GPR176: variants seen among roughly 807,000 people sequenced by gnomAD.
GPR176 encodes G protein-coupled receptor 176.
Under a neutral mutation model 35.4 loss-of-function variants are expected in GPR176, and 26 were observed. The observed-to-expected ratio is 0.74, with a 90% CI of 0.54 to 1.02. The LOEUF is 1.02. Ranked by LOEUF, GPR176 falls within the 50% of genes least tolerant of loss-of-function variation. The pLI is 0.00. For missense variants in GPR176, 597 were observed against 665.3 expected (o/e 0.90, Z 1.13); for synonymous variants, 278 against 271.3 (o/e 1.02, Z -0.24).
chr15:39,799,264 C>A lies in GPR176; in HGVS notation c.*1868G>T, dbSNP rs527402525. On this transcript the variant is annotated 3_prime_UTR_variant, in exon 3 of 3. Transcript: ENST00000561100. Reference sequence around the variant, plus strand: ...AATTTTCCTAGAGATTATTATTCCCCTTGATAAAAGTTGTAATGATTGTGA... The same window carrying A: ...AATTTTCCTAGAGATTATTATTCCCATTGATAAAAGTTGTAATGATTGTGA... 6.6e-6 allele frequency: 1 copy of A among 152,298 alleles called. No individual in the cohort carries two copies. Among genetic ancestry groups the A allele is most frequent in the African/African-American group, 2.4e-5 (1 of 41,560 alleles). 9.4% of individuals were successfully genotyped at this position (152,298 alleles called of 1,614,324 possible). A position where few individuals can be genotyped will look rare whatever the true frequency, so the allele number is the denominator to read the frequency against.
rs921975282 is a variant in GPR176, at chr15:39,904,057, C to T, written c.172+15798G>A. Among the ~76,000 whole-genome samples, 15 of 152,136 alleles carry T rather than the reference C, an allele frequency of 9.9e-5. 1 individual carries two copies. The highest frequency in any genetic ancestry group is 5.2e-4 in the Admixed American group (8 of 15,278). On this transcript the variant is annotated intron_variant, in intron 1 of 2. Coordinates refer to ENST00000561100, the MANE Select transcript of GPR176 (RefSeq NM_007223.3). Reference sequence around the variant, plus strand: ...CACATATGGTAACTTCCTGATGTTGCCATGGCATTTGTAAACTGTCATGGC... The same window carrying T: ...CACATATGGTAACTTCCTGATGTTGTCATGGCATTTGTAAACTGTCATGGC...
intron 1 of GPR176, among the ~76,000 whole-genome samples, chr15:39,888,034 T>G (rs1490387919): frequency 6.6e-6 from 1 of 152,202 alleles, no homozygotes; most frequent in Middle Eastern, 3.2e-3. Context: ...GAGTTTCCCA[T>G]GTATTTTATT....
rs141908278 is a variant in GPR176, at chr15:39,840,328, T to C, written c.173-33070A>G. Among the ~76,000 whole-genome samples the C allele has an allele frequency of 5.9e-3, 903 of 152,312 alleles. 17 individuals carry two copies. The highest frequency in any genetic ancestry group is 0.021 in the African/African-American group (864 of 41,562). ...TAAAAAAGGATGAGTTCATGTCCTT[T>C]GTAGGGACATGGATGAAGCTGGAAA... On this transcript the variant is annotated intron_variant, in intron 1 of 2. Coordinates refer to ENST00000561100, the MANE Select transcript of GPR176 (RefSeq NM_007223.3).
chr15:39,904,237 G>C (rs965931048), intron 1 of GPR176, among the ~76,000 whole-genome samples: 7 of 152,092 alleles, frequency 4.6e-5, no homozygotes, highest in Non-Finnish European at 8.8e-5. Flanking sequence ...CATCCTATAA[G>C]TTAGAATTCC....
intron 1 of GPR176, among the ~76,000 whole-genome samples, chr15:39,905,160 C>G (rs192970574): frequency 1.3e-5 from 2 of 152,326 alleles, no homozygotes; most frequent in East Asian, 3.9e-4. Context: ...CAGGCCTGCA[C>G]TAGGGATTTT....
intron 1 of GPR176, among the ~76,000 whole-genome samples, chr15:39,885,435 C>T (rs2032639058): frequency 6.6e-6 from 1 of 152,202 alleles, no homozygotes. Context: ...TGCTCTACCC[C>T]ATTAACTGAA....
intron 1 of GPR176, among the ~76,000 whole-genome samples, chr15:39,874,646 T>C (rs929488714): frequency 1.4e-4 from 22 of 152,248 alleles, no homozygotes; most frequent in Non-Finnish European, 2.5e-4. Flanking sequence ...ATCTTTACTT[T>C]CTTAAAAGTC....
At chr15:39,870,683 G>A (rs549715342) in intron 1 of GPR176, among the ~76,000 whole-genome samples, 5 of 152,032 alleles carry the variant, frequency 3.3e-5, no homozygotes, top group Non-Finnish European at 5.9e-5. Flanking sequence ...TGGGACCTGC[G>A]AGTATGATGG....
intron 1 of GPR176, among the ~76,000 whole-genome samples, chr15:39,880,864 C>A (rs1595503042): frequency 6.6e-6 from 1 of 152,184 alleles, no homozygotes; most frequent in South Asian, 2.1e-4. Flanking sequence ...CTAGAAATCA[C>A]GACAGCCTCA....
chr15:39,851,102 C>A (rs175728), intron 1 of GPR176, among the ~76,000 whole-genome samples: 98 of 152,168 alleles, frequency 6.4e-4, no homozygotes, highest in African/African-American at 2.2e-3. Flanking sequence ...ACAGATAATG[C>A]CATCATTTAC....
chr15:39,889,852 C>G (rs1310966698), intron 1 of GPR176, among the ~76,000 whole-genome samples: 3 of 152,136 alleles, frequency 2.0e-5, no homozygotes. Flanking sequence ...AAAGAAAACA[C>G]AGAGAAAAGC....
intron 1 of GPR176, among the ~76,000 whole-genome samples, chr15:39,909,383 G>A (rs1173286398): frequency 6.6e-6 from 1 of 152,166 alleles, no homozygotes; most frequent in Non-Finnish European, 1.5e-5. Flanking sequence ...TCTTGACTGC[G>A]TCCCTGGCTC....
At chr15:39,827,447 GTTAGTT>G (rs1157582271) in intron 1 of GPR176, among the ~76,000 whole-genome samples, 1 of 152,174 alleles carries the variant, frequency 6.6e-6, no homozygotes, top group East Asian at 1.9e-4. Context: ...TTTTGAAAGA[GTTAGTT>G]TCTGTTGAAC....
intron 1 of GPR176, among the ~76,000 whole-genome samples, chr15:39,916,101 A>G (rs1014140052): frequency 7.2e-5 from 11 of 152,198 alleles, no homozygotes; most frequent in Admixed American, 2.6e-4. Context: ...AGCACCAGAG[A>G]GGAGCCCAGT....
chr15:39,892,109 A>AT (rs1276927661), intron 1 of GPR176, among the ~76,000 whole-genome samples: 3 of 152,210 alleles, frequency 2.0e-5, no homozygotes, highest in Non-Finnish European at 4.4e-5. Flanking sequence ...GCCAGGTGCT[A>AT]TAGGGAAAAA....
intron 1 of GPR176, among the ~76,000 whole-genome samples, chr15:39,852,726 T>C (rs778663595): frequency 9.9e-5 from 15 of 152,278 alleles, no homozygotes; most frequent in East Asian, 3.9e-4. Context: ...AAAACTATCA[T>C]TACTAACAGA....
intron 2 of GPR176, among the ~76,000 whole-genome samples, chr15:39,806,486 A>G (rs1595432997): frequency 6.6e-6 from 1 of 152,368 alleles, no homozygotes; most frequent in Non-Finnish European, 1.5e-5. Flanking sequence ...TAAAGAGGAT[A>G]GGAAGAGAAA....
At chr15:39,852,184 T>C (rs1030038729) in intron 1 of GPR176, among the ~76,000 whole-genome samples, 3 of 152,258 alleles carry the variant, frequency 2.0e-5, no homozygotes, top group Admixed American at 6.5e-5. Context: ...GAAAAAATCA[T>C]GAAGGCAGTG....
At chr15:39,856,786 C>T (rs144612095) in intron 1 of GPR176, among the ~76,000 whole-genome samples, 161 of 152,252 alleles carry the variant, frequency 1.1e-3, no homozygotes, top group African/African-American at 3.8e-3. Context: ...TGGAGATGGG[C>T]GGATTGGAAG....
Sources: allele counts gnomAD v4.1 joint callset (sites outside exome capture counted in the v4.1 genomes callset), GRCh38; gene constraint gnomAD v4.1.1; transcripts MANE v1.5; gene names NCBI Gene and HGNC (gene_info 2026-07-23, HGNC 2026-07-21).